OSBPL5: variants seen among roughly 807,000 people sequenced by gnomAD.
OSBPL5 encodes oxysterol-binding protein-related protein 5.
In OSBPL5, 71 loss-of-function variants were observed where a neutral mutation model predicts 111.2. The ratio of observed to expected loss-of-function variants is 0.64; its 90% CI spans 0.53 to 0.78. The LOEUF (loss-of-function observed/expected upper bound fraction) is 0.78, where lower values mean the gene tolerates loss of function less well. Among genes scored for constraint, OSBPL5 ranks in the 30% least tolerant of loss-of-function variants. The probability of loss-of-function intolerance (pLI) is 0.00; values close to 1 mark genes in which losing one functional copy is unlikely to be tolerated. For missense variants in OSBPL5, 1,210 were observed against 1,189.3 expected (o/e 1.02, Z -0.26); for synonymous variants, 549 against 513.9 (o/e 1.07, Z -0.93).
rs573574344 is a variant in OSBPL5 at position 3,161,581 on chromosome 11, G to A, written c.-22+3635C>T. On this transcript the variant is annotated intron_variant, in intron 1 of 21. Transcript: ENST00000263650. This position sits in a 1 kb window ranked among gnomAD's most constrained non-coding sequence, Gnocchi z 8.0. Reference sequence around the variant, plus strand: ...GTGCCAGCCCCTGGGAAGAGAGCCCGGAGCAGACTTGCAGGCAACCGTGCA... The same window carrying A: ...GTGCCAGCCCCTGGGAAGAGAGCCCAGAGCAGACTTGCAGGCAACCGTGCA... 3.2e-4 allele frequency among the ~76,000 whole-genome samples: 48 copies of A among 152,236 alleles called. No individual in the cohort carries two copies. The highest frequency in any genetic ancestry group is 8.3e-4 in the South Asian group (4 of 4,810).
In OSBPL5 at chr11:3,165,019, G is replaced by T. The variant is rs1186576177; in HGVS notation, c.-22+197C>A. ...CGCGCTCCCCAGCTCCCCAGCGCGC[G>T]ACCGGCCCCGCGGCGTGGTTCCCCG... On this transcript the variant is annotated intron_variant, in intron 1 of 21. Coordinates refer to ENST00000263650, the MANE Select transcript of OSBPL5 (RefSeq NM_020896.4). This position sits in a 1 kb window ranked among gnomAD's most constrained non-coding sequence, Gnocchi z 7.4. 1.3e-5 allele frequency among the ~76,000 whole-genome samples: 2 copies of T among 149,794 alleles called. No individual in the cohort carries two copies. The highest frequency in any genetic ancestry group is 3.0e-5 in the Non-Finnish European group (2 of 67,544).
At chr11:3,093,462 T>C in intron 17 of OSBPL5, 65 bp downstream of exon 17, 2 of 1,582,586 alleles carry the variant, frequency 1.3e-6, no homozygotes, top group Non-Finnish European at 1.7e-6. Flanking sequence ...GTAGCCCTGC[T>C]GACCTGCCTG....
In OSBPL5 at chr11:3,129,076, G is replaced by A; in HGVS notation, c.73C>T (p.Pro25Ser). 1 of 1,574,238 alleles carries A rather than the reference G, an allele frequency of 6.4e-7. No individual in the cohort carries two copies. Among genetic ancestry groups the A allele is most frequent in the East Asian group, 2.4e-5 (1 of 41,296 alleles). ...PPSSTPQKVD[P>S]RKLTRNLLLS... ...AGCAAGTTCCGGGTGAGCTTCCGGG[G>A]GTCGACTTTCTGAGGGGTGGAGGAA... The change falls in exon 2 of 22, where the codon CCC becomes TCC. Residue 25 changes from proline to serine, a missense_variant. Transcript: ENST00000263650.
In OSBPL5 at chr11:3,092,624, C is replaced by G; in HGVS notation, c.2133-66G>C. 6.7e-7 allele frequency: 1 copy of G among 1,486,270 alleles called. No individual in the cohort carries two copies. The highest frequency in any genetic ancestry group is 9.0e-7 in the Non-Finnish European group (1 of 1,108,400). The allele number at this position is 1,486,270 out of a possible 1,614,324, so 92.1% of individuals were successfully genotyped here. A position where few individuals can be genotyped will look rare whatever the true frequency, so the allele number is the denominator to read the frequency against. On this transcript the variant is annotated intron_variant, in intron 18 of 21. Coordinates refer to ENST00000263650, the MANE Select transcript of OSBPL5 (RefSeq NM_020896.4). The surrounding 1 kb of genome is among the most constrained non-coding windows in gnomAD (Gnocchi z 5.4). ...CCTCAGGTGAGGGGGCTGTCCTGGC[C>G]CAGTCTTCAGCCCCCCAACAGTGGC...
chr11:3,120,762 C>T, intron 5 of OSBPL5, 138 bp from the exon 6 acceptor site: 1 of 846,754 alleles, frequency 1.2e-6, no homozygotes, highest in Non-Finnish European at 1.9e-6. Context: ...TCCCCCACAC[C>T]AGTTCGGAAC....
rs1369274597 is a variant in OSBPL5 at position 3,161,689 on chromosome 11, C to T, written c.-22+3527G>A. 6.6e-6 allele frequency among the ~76,000 whole-genome samples: 1 copy of T among 151,944 alleles called. No homozygotes were observed. The highest frequency in any genetic ancestry group is 2.4e-5 in the African/African-American group (1 of 41,342). On this transcript the variant is annotated intron_variant, in intron 1 of 21. Coordinates refer to ENST00000263650, the MANE Select transcript of OSBPL5 (RefSeq NM_020896.4). The surrounding 1 kb of genome is among the most constrained non-coding windows in gnomAD (Gnocchi z 8.0). Reference sequence around the variant, plus strand: ...GGCGCCCACCATGAACCTGGCTTGGCCCAATCGCTTTCTCCATAGGAAGCC... The same window carrying T: ...GGCGCCCACCATGAACCTGGCTTGGTCCAATCGCTTTCTCCATAGGAAGCC...
chr11:3,100,322 T>G, intron 13 of OSBPL5, 66 bp from the exon 14 acceptor site: 1 of 1,425,780 alleles, frequency 7.0e-7, no homozygotes, highest in Non-Finnish European at 9.8e-7. Context: ...AGGCCACCCC[T>G]AAGTCACAGG....
At chr11:3,134,732 G>A (rs974250361) in intron 1 of OSBPL5, among the ~76,000 whole-genome samples, 7 of 152,172 alleles carry the variant, frequency 4.6e-5, no homozygotes, top group Non-Finnish European at 8.8e-5. Flanking sequence ...GGGATGGGCC[G>A]GGGAGCCCAC....
chr11:3,101,478 C>T (rs1857452698), intron 13 of OSBPL5, 125 bp downstream of exon 13: 1 of 877,158 alleles, frequency 1.1e-6, no homozygotes, highest in Non-Finnish European at 1.8e-6. Context: ...TGGTCTCTGA[C>T]TAGGAGGGGT....
rs548863427 is a variant in OSBPL5 at position 3,112,195 on chromosome 11, C to CT, written c.692-4251dup. The stretch of plus-strand genomic sequence containing the variant: ...TTTTGTTTTTCTCCTAGGACCTTGT[C>CT]TTTTTTTGAGCAAAAGGGTTTTTTC... On this transcript the variant is annotated intron_variant, in intron 7 of 21. Transcript: ENST00000263650. 1.1e-3 allele frequency among the ~76,000 whole-genome samples: 166 copies of CT among 152,188 alleles called. No individual in the cohort carries two copies. The East Asian group carries it at 0.011, about 10-fold the overall frequency.
chr11:3,111,999 G>GTA (rs1433612959), intron 7 of OSBPL5, among the ~76,000 whole-genome samples: 19 of 121,838 alleles, frequency 1.6e-4, no homozygotes, highest in Admixed American at 5.5e-4. Flanking sequence ...GTGTGCATGT[G>GTA]TGTGTGTGTG....
intron 14 of OSBPL5, among the ~76,000 whole-genome samples, chr11:3,095,681 GA>G (rs150518827): frequency 1.3e-5 from 2 of 152,138 alleles, no homozygotes; most frequent in African/African-American, 2.4e-5. Flanking sequence ...GACAGCAGGG[GA>G]AAAAAATCAT....
chr11:3,151,141 G>A lies in OSBPL5; in HGVS notation c.-22+14075C>T, dbSNP rs536364339. Among the ~76,000 whole-genome samples, 11 of 152,214 alleles carry A rather than the reference G, an allele frequency of 7.2e-5. No individual in the cohort carries two copies. In the South Asian group the frequency reaches 1.7e-3, roughly 23 times the overall value. On this transcript the variant is annotated intron_variant, in intron 1 of 21. Coordinates refer to ENST00000263650, the MANE Select transcript of OSBPL5 (RefSeq NM_020896.4). Reference sequence around the variant, plus strand: ...CAGAGGCGGAGATCGGAGTGATGCCGCCACGAGCCAAGGAACACCTGGAGC... The same window carrying A: ...CAGAGGCGGAGATCGGAGTGATGCCACCACGAGCCAAGGAACACCTGGAGC...
chr11:3,092,530 T>C lies in OSBPL5; in HGVS notation c.2161A>G (p.Ile721Val). Residue 721 changes from isoleucine to valine, a missense_variant, in exon 19 of 22, where the codon ATC (isoleucine) becomes GTC (valine). By Grantham distance (29) the Ile-to-Val change is conservative (BLOSUM62 3). Coordinates refer to ENST00000263650, the MANE Select transcript of OSBPL5 (RefSeq NM_020896.4). The surrounding 1 kb of genome is among the most constrained non-coding windows in gnomAD (Gnocchi z 5.4). ...DHSPWDPLKD[I>V]AQFEQDGILR... ...ATCCCGTCTTGCTCAAACTGGGCGA[T>C]GTCCTTCAGGGGGTCCCAGGGGCTG... The C allele has an allele frequency of 6.3e-7, 1 of 1,590,826 alleles. No individual in the cohort carries two copies. Among genetic ancestry groups the C allele is most frequent in the South Asian group, 1.1e-5 (1 of 87,538 alleles).
In OSBPL5 at chr11:3,162,128, T is replaced by C. The variant is rs1846983749; in HGVS notation, c.-22+3088A>G. The stretch of plus-strand genomic sequence containing the variant: ...TGGTCAAATTACATGAAGTGGTTTA[T>C]CTTTTTAAACACCATGCTGGCTGCT... On this transcript the variant is annotated intron_variant, in intron 1 of 21. Transcript: ENST00000263650. This position sits in a 1 kb window ranked among gnomAD's most constrained non-coding sequence, Gnocchi z 8.1. 1.3e-5 allele frequency among the ~76,000 whole-genome samples: 2 copies of C among 152,172 alleles called. No homozygotes were observed. The highest frequency in any genetic ancestry group is 2.9e-5 in the Non-Finnish European group (2 of 68,040).
rs571615047 is a variant in OSBPL5, at chr11:3,109,062, C to T, written c.692-1117G>A. ...GGATTACAGGTGTGAGCCACCACAC[C>T]GGGTCAATAAGTGTGTTTTTTGTTT... is the stretch of plus-strand genomic sequence containing the variant. On this transcript the variant is annotated intron_variant, in intron 7 of 21. Coordinates refer to ENST00000263650, the MANE Select transcript of OSBPL5 (RefSeq NM_020896.4). The surrounding 1 kb of genome is among the most constrained non-coding windows in gnomAD (Gnocchi z 7.4). 1.6e-4 allele frequency among the ~76,000 whole-genome samples: 25 copies of T among 151,770 alleles called. No homozygotes were observed. The highest frequency in any genetic ancestry group is 2.2e-4 in the Non-Finnish European group (15 of 67,924).
Position 3,137,162 on chromosome 11 carries a change from T to C in OSBPL5, c.-21-7993A>G, listed in dbSNP as rs377593928. Among the ~76,000 whole-genome samples the C allele has an allele frequency of 1.9e-3, 290 of 152,302 alleles. 9 individuals are homozygous for C. The South Asian group carries it at 0.056, about 29-fold the overall frequency. On this transcript the variant is annotated intron_variant, in intron 1 of 21. Coordinates refer to ENST00000263650, the MANE Select transcript of OSBPL5 (RefSeq NM_020896.4). ...CTGTGAGGAAACCACGCAGGCCTCC[T>C]GAGTCACCCCAGGGAGACCACCACA...
Position 3,119,590 on chromosome 11 carries a change from C to A in OSBPL5, c.648G>T (p.Leu216=). 1 of 1,577,528 alleles carries A rather than the reference C, an allele frequency of 6.3e-7. No homozygotes were observed. Among genetic ancestry groups the A allele is most frequent in the South Asian group, 1.2e-5 (1 of 86,252 alleles). ...GESVGSITQP[L]PSSYLIFRAA... is the part of the protein sequence containing the mutation. ...CCCTGAAGATCAGGTAGCTGCTGGG[C>A]AGGGGCTGTGTGATGGAGCCCACGC... Residue 216 remains leucine (L), a synonymous_variant, in exon 7 of 22, where the codon CTG becomes CTT. Transcript: ENST00000263650.
chr11:3,136,389 G>T (rs1845948649), intron 1 of OSBPL5, among the ~76,000 whole-genome samples: 1 of 152,246 alleles, frequency 6.6e-6, no homozygotes. Flanking sequence ...ATCAGCTGGG[G>T]CCACACTTAG....
Sources: allele counts gnomAD v4.1 joint callset (sites outside exome capture counted in the v4.1 genomes callset), GRCh38; gene constraint gnomAD v4.1.1; non-coding constraint Gnocchi (gnomAD v3.1); transcripts MANE v1.5; gene names NCBI Gene and HGNC (gene_info 2026-07-23, HGNC 2026-07-21).